The following ADAMTS6 variants were observed in gnomAD, a reference collection of about 807,000 sequenced individuals.
The protein encoded by ADAMTS6 is A disintegrin and metalloproteinase with thrombospondin motifs 6.
Under a neutral mutation model 144.3 loss-of-function variants are expected in ADAMTS6, and 23 were observed. That is an observed-to-expected ratio of 0.16 (90% CI 0.11 to 0.23). The LOEUF is 0.23. ADAMTS6 is among the 10% of genes least tolerant of loss of function. The pLI, the probability that ADAMTS6 is intolerant of heterozygous loss-of-function variation, is 1.00. For synonymous variants in ADAMTS6, 444 were observed against 457.5 expected (o/e 0.97, Z 0.38); for missense variants, 999 against 1,379.6 (o/e 0.72, Z 4.37).
rs774039285 is a variant in ADAMTS6 at position 65,224,417 on chromosome 5, A to G, written c.2192-17T>C. On this transcript the variant is annotated splice_polypyrimidine_tract_variant and intron_variant, in intron 17 of 24. Transcript: ENST00000381055. Reference sequence around the variant, plus strand: ...CCATGTAGCCTGGAACACAGAAGATAGCCAGTATTAAGCAGCCTTGGTCAG... The same window carrying G: ...CCATGTAGCCTGGAACACAGAAGATGGCCAGTATTAAGCAGCCTTGGTCAG... The G allele has an allele frequency of 6.2e-7, 1 of 1,610,510 alleles. No individual in the cohort carries two copies. Among genetic ancestry groups the G allele is most frequent in the Non-Finnish European group, 8.5e-7 (1 of 1,176,838 alleles).
chr5:65,363,013 T>G (rs2150107514), intron 7 of ADAMTS6, among the ~76,000 whole-genome samples: 1 of 152,262 alleles, frequency 6.6e-6, no homozygotes, highest in South Asian at 2.1e-4. Flanking sequence ...CAAGGTACCA[T>G]ATAATATCTA....
chr5:65,232,781 T>A (rs1758362174), intron 15 of ADAMTS6, among the ~76,000 whole-genome samples: 1 of 151,664 alleles, frequency 6.6e-6, no homozygotes, highest in Admixed American at 6.6e-5. Context: ...AAAGAAGAAT[T>A]AATACCAATT....
chr5:65,440,965 C>T (rs1638723270), intron 7 of ADAMTS6, among the ~76,000 whole-genome samples: 1 of 152,110 alleles, frequency 6.6e-6, no homozygotes, highest in Non-Finnish European at 1.5e-5. Flanking sequence ...GGTAAAATAA[C>T]ACAATGTCAG....
At chr5:65,220,005 C>T (rs1487122005) in intron 18 of ADAMTS6, among the ~76,000 whole-genome samples, 1 of 152,092 alleles carries the variant, frequency 6.6e-6, no homozygotes, top group East Asian at 1.9e-4. Context: ...AACTATCCAA[C>T]CAAAGGATAG....
chr5:65,175,314 G>A (rs1753903042), intron 22 of ADAMTS6, among the ~76,000 whole-genome samples: 1 of 151,170 alleles, frequency 6.6e-6, no homozygotes, highest in African/African-American at 2.4e-5. Flanking sequence ...AAGAGACAGA[G>A]GCAAAAGCAA....
chr5:65,174,443 G>C (rs1334881198), intron 22 of ADAMTS6, among the ~76,000 whole-genome samples: 1 of 152,174 alleles, frequency 6.6e-6, no homozygotes, highest in Non-Finnish European at 1.5e-5. Context: ...CTCCTGGGTA[G>C]GCAATTGGCC....
At chr5:65,402,600 A>T (rs1754019882) in intron 7 of ADAMTS6, among the ~76,000 whole-genome samples, 1 of 152,132 alleles carries the variant, frequency 6.6e-6, no homozygotes, top group South Asian at 2.1e-4. Context: ...CCAGATGCTC[A>T]CACACCAAAT....
chr5:65,276,737 A>C (rs907713482), intron 11 of ADAMTS6, among the ~76,000 whole-genome samples: 23 of 152,358 alleles, frequency 1.5e-4, no homozygotes, highest in Non-Finnish European at 2.4e-4. Flanking sequence ...AATAAAGTTA[A>C]ATGGATGCTG....
intron 7 of ADAMTS6, among the ~76,000 whole-genome samples, chr5:65,407,744 C>T (rs575602327): frequency 1.3e-4 from 20 of 152,122 alleles, no homozygotes; most frequent in Non-Finnish European, 2.2e-4. Context: ...ATCATCATTA[C>T]TGGGTATATA....
At chr5:65,224,191 T>C in intron 18 of ADAMTS6, 129 bp downstream of exon 18, 1 of 730,438 alleles carries the variant, frequency 1.4e-6, no homozygotes, top group Non-Finnish European at 2.3e-6. Context: ...CTATAAAACT[T>C]AGAGCTTACT....
At chr5:65,202,065 C>T (rs550941165) in intron 20 of ADAMTS6, among the ~76,000 whole-genome samples, 2 of 152,300 alleles carry the variant, frequency 1.3e-5, no homozygotes, top group Non-Finnish European at 2.9e-5. Flanking sequence ...CAGAGCAAAG[C>T]CCATCTGCCT....
intron 7 of ADAMTS6, among the ~76,000 whole-genome samples, chr5:65,419,637 A>G (rs908203850): frequency 1.3e-5 from 2 of 152,230 alleles, no homozygotes; most frequent in African/African-American, 4.8e-5. Flanking sequence ...TATCCATACA[A>G]TGGGATATTA....
At chr5:65,251,021 T>C (rs1760113318) in intron 14 of ADAMTS6, 2 of 152,228 alleles carry the variant, frequency 1.3e-5, no homozygotes, top group Admixed American at 1.3e-4. Flanking sequence ...TTCTGCATGA[T>C]AGTTTTAGGT....
chr5:65,408,686 C>T (rs1488317128), intron 7 of ADAMTS6, among the ~76,000 whole-genome samples: 1 of 152,198 alleles, frequency 6.6e-6, no homozygotes, highest in Non-Finnish European at 1.5e-5. Context: ...CCCAAATCAA[C>T]AGAAGATACA....
intron 11 of ADAMTS6, among the ~76,000 whole-genome samples, chr5:65,277,701 C>A (rs1469712281): frequency 1.3e-5 from 2 of 152,108 alleles, no homozygotes; most frequent in Non-Finnish European, 2.9e-5. Flanking sequence ...TTATGGCACG[C>A]TTTGCAAAAT....
intron 15 of ADAMTS6, among the ~76,000 whole-genome samples, chr5:65,241,455 T>A (rs887433166): frequency 6.6e-6 from 1 of 152,104 alleles, no homozygotes; most frequent in Non-Finnish European, 1.5e-5. Flanking sequence ...AGTCTCGAAC[T>A]CCTGACCTCA....
At chr5:65,221,452 T>C (rs1757318211) in intron 18 of ADAMTS6, among the ~76,000 whole-genome samples, 1 of 152,140 alleles carries the variant, frequency 6.6e-6, no homozygotes, top group Non-Finnish European at 1.5e-5. Flanking sequence ...ACTAAAACTC[T>C]AATAAAAACT....
intron 7 of ADAMTS6, among the ~76,000 whole-genome samples, chr5:65,432,644 C>A (rs1475944495): frequency 6.6e-6 from 1 of 152,052 alleles, no homozygotes; most frequent in Non-Finnish European, 1.5e-5. Context: ...TAATTAAAAG[C>A]TAAATTTCTT....
chr5:65,256,986 T>TCTCTCTC (rs1491329662), intron 14 of ADAMTS6, among the ~76,000 whole-genome samples: 2 of 89,970 alleles, frequency 2.2e-5, no homozygotes, highest in African/African-American at 1.5e-4. Context: ...TCTCTCTCTC[T>TCTCTCTC]TTTTTTTTTT....
Sources: gnomAD v4.1 joint callset for allele counts (sites outside exome capture counted in the v4.1 genomes callset) on GRCh38, gnomAD v4.1.1 for gene constraint, MANE v1.5 for transcripts, NCBI Gene and HGNC (gene_info 2026-07-23, HGNC 2026-07-21) for gene names.